KRT86: variants seen among roughly 807,000 people sequenced by gnomAD.
KRT86 encodes keratin, type II cuticular Hb6.
KRT86 carries 30 observed loss-of-function variants against 41.2 expected under a neutral mutation model. That is an observed-to-expected ratio of 0.73 (90% CI 0.54 to 0.99). The LOEUF (loss-of-function observed/expected upper bound fraction) is 0.99, where lower values mean the gene tolerates loss of function less well. Ranked by LOEUF, KRT86 falls within the 50% of genes least tolerant of loss-of-function variation. The pLI, the probability that KRT86 is intolerant of heterozygous loss-of-function variation, is 0.00. For missense variants in KRT86, 561 were observed against 571.4 expected, an observed-to-expected ratio of 0.98 and a Z score of 0.19; for synonymous variants, 238 against 238.1, an observed-to-expected ratio of 1.00 and a Z score of 0.00.
chr12:52,291,599 A>T, intron 2 of KRT86: 2 of 1,395,950 alleles, frequency 1.4e-6, no homozygotes, highest in Non-Finnish European at 1.9e-6. Flanking sequence ...TGTGAAGATG[A>T]TGTTGGGGCA....
intron 5 of KRT86, 56 bp from the exon 6 acceptor site, chr12:52,304,876 A>C: frequency 6.4e-7 from 1 of 1,571,992 alleles, no homozygotes; most frequent in Admixed American, 1.7e-5. Flanking sequence ...AAGAGAGAGG[A>C]ATCTAGAGGC....
chr12:52,295,411 A>G (rs944403534), intron 2 of KRT86, among the ~76,000 whole-genome samples: 1 of 152,168 alleles, frequency 6.6e-6, no homozygotes, highest in African/African-American at 2.4e-5. Flanking sequence ...TCTGATCCCA[A>G]AGGAAGGGAT....
At chr12:52,294,245 T>A (rs900487076) in intron 2 of KRT86, among the ~76,000 whole-genome samples, 1 of 152,208 alleles carries the variant, frequency 6.6e-6, no homozygotes, top group African/African-American at 2.4e-5. Context: ...GTACATCTCA[T>A]CCACACTTCA....
At chr12:52,296,372 A>T (rs1157663478) in intron 2 of KRT86, among the ~76,000 whole-genome samples, 2 of 152,128 alleles carry the variant, frequency 1.3e-5, no homozygotes, top group African/African-American at 4.8e-5. Flanking sequence ...CACAGCACCA[A>T]GGGAAAGTGT....
intron 2 of KRT86, among the ~76,000 whole-genome samples, chr12:52,276,647 C>G (rs1171692802): frequency 6.6e-6 from 1 of 152,186 alleles, no homozygotes; most frequent in African/African-American, 2.4e-5. Context: ...ATTTGTGGAA[C>G]TGGGTACTCC....
chr12:52,308,069 C>A lies in KRT86; in HGVS notation c.1248-164C>A. On this transcript the variant is annotated intron_variant, in intron 9 of 10. Transcript: ENST00000423955. Reference sequence around the variant, plus strand: ...CTCACAGGCCTTCTGTCTCCAGACCCTCACGGTGACCCGAGTCTACACTGG... The same window carrying A: ...CTCACAGGCCTTCTGTCTCCAGACCATCACGGTGACCCGAGTCTACACTGG... 7.2e-6 allele frequency: 6 copies of A among 830,736 alleles called. No homozygotes were observed. In the South Asian group the frequency reaches 1.0e-4, roughly 14 times the overall value. 51.5% of individuals were successfully genotyped at this position (830,736 alleles called of 1,614,324 possible).
intron 2 of KRT86, among the ~76,000 whole-genome samples, chr12:52,278,725 T>C (rs1460132650): frequency 6.6e-6 from 1 of 152,114 alleles, no homozygotes; most frequent in Admixed American, 6.5e-5. Context: ...TCTTATCTTA[T>C]TATCTTATTC....
At position 52,286,531 on chromosome 12, in the gene KRT86, C is replaced by A. The variant is rs372034247; in HGVS notation, c.-5+10585C>A. On this transcript the variant is annotated intron_variant, in intron 2 of 10. Transcript: ENST00000423955. ...AAGGCTGAGTCAAAATTCTGAAGGG[C>A]AAGCCATCCTGCCTTCCTGACAACC... 1,599 of 1,542,816 alleles carry A rather than the reference C, an allele frequency of 1.0e-3. 1 individual carries two copies. Among genetic ancestry groups the A allele is most frequent in the Non-Finnish European group, 1.3e-3 (1,497 of 1,139,778 alleles).
chr12:52,291,674 G>A, intron 2 of KRT86: 1 of 689,130 alleles, frequency 1.5e-6, no homozygotes, highest in Non-Finnish European at 2.4e-6. Flanking sequence ...TGCTTTAATG[G>A]GGGAGTGGCC....
intron 2 of KRT86, chr12:52,286,363 G>A (rs1282540065): frequency 1.3e-6 from 2 of 1,555,466 alleles, no homozygotes; most frequent in Admixed American, 1.9e-5. Context: ...ATTGGCCGCA[G>A]GGCGCACACA....
intron 7 of KRT86, 31 bp from the exon 8 acceptor site, chr12:52,305,632 T>C: frequency 6.2e-7 from 1 of 1,614,040 alleles, no homozygotes; most frequent in Non-Finnish European, 8.5e-7. Context: ...GGTCCCACCC[T>C]GAACCTCATG....
At chr12:52,299,763 T>C (rs1938330880) in intron 2 of KRT86, among the ~76,000 whole-genome samples, 1 of 152,236 alleles carries the variant, frequency 6.6e-6, no homozygotes, top group Non-Finnish European at 1.5e-5. Context: ...TCTATTCAGA[T>C]CTTTTGCCCA....
At chr12:52,295,105 T>C (rs1938219276) in intron 2 of KRT86, among the ~76,000 whole-genome samples, 1 of 152,040 alleles carries the variant, frequency 6.6e-6, no homozygotes, top group Non-Finnish European at 1.5e-5. Flanking sequence ...TATGCAAGAG[T>C]TTTTCTGGGG....
Position 52,275,963 on chromosome 12 carries a change from G to C in KRT86, c.-5+17G>C, listed in dbSNP as rs1942552955. 1.0e-6 allele frequency: 1 copy of C among 985,770 alleles called. No individual in the cohort carries two copies. Among genetic ancestry groups the C allele is most frequent in the African/African-American group, 1.7e-5 (1 of 57,222 alleles). The allele number at this position is 985,770 out of a possible 1,614,324, so 61.1% of individuals were successfully genotyped here. On this transcript the variant is annotated intron_variant, in intron 2 of 10. Transcript: ENST00000423955. ...GAGAGTCAGGTGAGAGGTGGGAGTGGGGGGCAACAGAGTGGCCATGGTGGG... is the reference window on the plus strand; with the variant it reads ...GAGAGTCAGGTGAGAGGTGGGAGTGCGGGGCAACAGAGTGGCCATGGTGGG...
intron 2 of KRT86, chr12:52,291,374 G>A (rs773246999): frequency 6.2e-6 from 10 of 1,603,612 alleles, no homozygotes; most frequent in Non-Finnish European, 8.5e-6. Flanking sequence ...GCCACGGTAG[G>A]GGGCGGCGGT....
intron 6 of KRT86, 24 bp from the exon 7 acceptor site, chr12:52,305,216 A>T (rs1390645778): frequency 3.7e-6 from 6 of 1,614,190 alleles, no homozygotes; most frequent in Non-Finnish European, 5.1e-6. Context: ...TCTCAACTAA[A>T]GTCACTGCCC....
chr12:52,279,514 T>G (rs767666267), intron 2 of KRT86, among the ~76,000 whole-genome samples: 17 of 152,126 alleles, frequency 1.1e-4, no homozygotes, highest in Non-Finnish European at 1.6e-4. Flanking sequence ...TCCAGGGACT[T>G]CTCTGCAATA....
chr12:52,307,403 G>C (rs1188047874), intron 9 of KRT86, among the ~76,000 whole-genome samples: 2 of 152,238 alleles, frequency 1.3e-5, no homozygotes. Flanking sequence ...GCTTTGGTAT[G>C]TGTTACCTAG....
intron 8 of KRT86, 28 bp downstream of exon 8, chr12:52,305,816 A>T: frequency 3.1e-6 from 5 of 1,613,938 alleles, no homozygotes; most frequent in Non-Finnish European, 4.2e-6. Context: ...CCAAGGTCAG[A>T]GAGACCGAGG....
Sources: allele counts gnomAD v4.1 joint callset (sites outside exome capture counted in the v4.1 genomes callset), GRCh38; gene constraint gnomAD v4.1.1; transcripts MANE v1.5; gene names NCBI Gene and HGNC (gene_info 2026-07-23, HGNC 2026-07-21).